Variants in SLC5A6 observed in about 807,000 individuals in gnomAD.
The protein encoded by SLC5A6 is solute carrier family 5 member 6.
SLC5A6 carries 31 observed loss-of-function variants against 67.9 expected under a neutral mutation model. The ratio of observed to expected loss-of-function variants is 0.46; its 90% CI spans 0.34 to 0.62. The LOEUF (loss-of-function observed/expected upper bound fraction) is 0.62, where lower values mean the gene tolerates loss of function less well. Among genes scored for constraint, SLC5A6 ranks in the 20% least tolerant of loss-of-function variants. SLC5A6 has a pLI of 0.01. For synonymous variants in SLC5A6, 343 were observed against 331.0 expected, an observed-to-expected ratio of 1.04 and a Z score of -0.39; for missense variants, 673 against 812.8, an observed-to-expected ratio of 0.83 and a Z score of 2.09.
In SLC5A6 at chr2:27,212,265, G is replaced by A. The variant is rs1402216682; in HGVS notation, c.-453C>T. 1.9e-6 allele frequency: 3 copies of A among 1,557,538 alleles called. No individual in the cohort carries two copies. Among genetic ancestry groups the A allele is most frequent in the Non-Finnish European group, 1.7e-6 (2 of 1,151,040 alleles). ...CCCCCAAGCAGCCCCAGGGCGACTGGACCGGGCCGCTTAGGCCACGCCCGG... is the reference window on the plus strand; with the variant it reads ...CCCCCAAGCAGCCCCAGGGCGACTGAACCGGGCCGCTTAGGCCACGCCCGG... On this transcript the variant is annotated 5_prime_UTR_variant, in exon 1 of 17. Coordinates refer to ENST00000310574, the MANE Select transcript of SLC5A6 (RefSeq NM_021095.4).
upstream of SLC5A6, chr2:27,212,347 C>A: frequency 6.5e-7 from 1 of 1,549,982 alleles, no homozygotes; most frequent in Non-Finnish European, 8.7e-7. Flanking sequence ...GCGCGAGCAG[C>A]GGAGCACCAA....
rs1674182125 is a variant in SLC5A6 at position 27,207,765 on chromosome 2, C to T, written c.-115G>A. ...CAGCCACAGTCTCACAGTCTTCCTCCACGGAGTGATACTGTCCAGGGTGAG... is the reference window on the plus strand; with the variant it reads ...CAGCCACAGTCTCACAGTCTTCCTCTACGGAGTGATACTGTCCAGGGTGAG... On this transcript the variant is annotated 5_prime_UTR_variant, in exon 3 of 17. Coordinates refer to ENST00000310574, the MANE Select transcript of SLC5A6 (RefSeq NM_021095.4). The surrounding 1 kb of genome is among the most constrained non-coding windows in gnomAD (Gnocchi z 5.5). 3.1e-6 allele frequency: 3 copies of T among 973,338 alleles called. No homozygotes were observed. The highest frequency in any genetic ancestry group is 4.6e-6 in the Non-Finnish European group (3 of 651,178). 60.3% of individuals were successfully genotyped at this position (973,338 alleles called of 1,614,324 possible).
chr2:27,212,385 C>G, upstream of SLC5A6: 1 of 1,550,684 alleles, frequency 6.4e-7, no homozygotes, highest in Non-Finnish European at 8.7e-7. Flanking sequence ...CCTCACGACC[C>G]GGGTAGTCTT....
At position 27,201,838 on chromosome 2, in the gene SLC5A6, C is replaced by G. The variant is rs768739418; in HGVS notation, c.1372G>C (p.Val458Leu). 2 of 1,613,918 alleles carry G rather than the reference C, an allele frequency of 1.2e-6. No homozygotes were observed. Among genetic ancestry groups the G allele is most frequent in the African/African-American group, 2.7e-5 (2 of 74,926 alleles). Residue 458 changes from valine to leucine, a missense_variant, in exon 14 of 17, where the codon GTG (valine) becomes CTG (leucine). Transcript: ENST00000310574. Reference protein sequence around the residue: ...FPCANPPGAVVGLLAGLVMAF... With the variant: ...FPCANPPGAVLGLLAGLVMAF... Reference sequence around the variant, plus strand: ...ATGACGAGCCCAGCCAACAGGCCCACAACAGCACCCTGCCGAGACACAGTG... The same window carrying G: ...ATGACGAGCCCAGCCAACAGGCCCAGAACAGCACCCTGCCGAGACACAGTG...
Position 27,204,580 on chromosome 2 carries a change from C to T in SLC5A6, c.886G>A (p.Ala296Thr). 6.2e-7 allele frequency: 1 copy of T among 1,614,022 alleles called. No individual in the cohort carries two copies. Among genetic ancestry groups the T allele is most frequent in the South Asian group, 1.1e-5 (1 of 91,074 alleles). ...TEKAAVLSCYAVFPFQQVSLC... is the reference protein window; with the variant it reads ...TEKAAVLSCYTVFPFQQVSLC... ...GACACCTGCTGGAAGGGGAACACTGCATAACAGGAGCTGCAAAAGAGGTCA... is the reference window on the plus strand; with the variant it reads ...GACACCTGCTGGAAGGGGAACACTGTATAACAGGAGCTGCAAAAGAGGTCA... Residue 296 changes from alanine to threonine, a missense_variant, in exon 9 of 17, where the codon GCA (alanine) becomes ACA (threonine). By Grantham distance (58) the Ala-to-Thr change is moderately conservative (BLOSUM62 0). Coordinates refer to ENST00000310574, the MANE Select transcript of SLC5A6 (RefSeq NM_021095.4).
chr2:27,206,801 T>TC, intron 4 of SLC5A6, 76 bp downstream of exon 4: 1 of 1,173,398 alleles, frequency 8.5e-7, no homozygotes, highest in East Asian at 2.3e-5. Context: ...CAGGGGAGAC[T>TC]CCAATTCCCT....
At chr2:27,201,495 AG>A (rs139846984) in intron 14 of SLC5A6, 42 bp from the exon 15 acceptor site, 17,059 of 1,454,326 alleles carry the variant, frequency 0.012, 130 homozygotes, top group Non-Finnish European at 0.014. Flanking sequence ...ATTCGTTGGC[AG>A]GGCATTCCTT....
At chr2:27,205,071 G>A in intron 7 of SLC5A6, 140 bp from the exon 8 acceptor site, 1 of 981,760 alleles carries the variant, frequency 1.0e-6, no homozygotes, top group Non-Finnish European at 1.5e-6. Flanking sequence ...AAGAAGCTGG[G>A]TGCACTCGAG....
At chr2:27,201,608 G>A in intron 14 of SLC5A6, 58 bp downstream of exon 14, 3 of 1,550,652 alleles carry the variant, frequency 1.9e-6, no homozygotes, top group Non-Finnish European at 2.7e-6. Context: ...CAAGACCCCT[G>A]TGAAAGCCCT....
chr2:27,204,137 A>C (rs1168371885), intron 9 of SLC5A6, among the ~76,000 whole-genome samples: 1 of 152,010 alleles, frequency 6.6e-6, no homozygotes, highest in African/African-American at 2.4e-5. Context: ...TACCTCATTG[A>C]GTCTGTTTTC....
intron 2 of SLC5A6, among the ~76,000 whole-genome samples, chr2:27,210,896 C>A (rs999671302): frequency 2.0e-5 from 3 of 152,058 alleles, no homozygotes; most frequent in African/African-American, 7.2e-5. Context: ...TGGTGGCAGG[C>A]GCCTGTAGTC....
At chr2:27,202,218 A>C (rs1673698706) in intron 12 of SLC5A6, 144 bp from the exon 13 acceptor site, 2 of 708,558 alleles carry the variant, frequency 2.8e-6, no homozygotes, top group African/African-American at 3.5e-5. Flanking sequence ...AGAACTCCAG[A>C]GGTGGCCGAG....
Position 27,201,397 on chromosome 2 carries a change from T to G in SLC5A6, c.1601A>C (p.Asn534Thr). Residue 534 changes from asparagine to threonine, a missense_variant, in exon 15 of 17, where the codon AAC becomes ACC. Coordinates refer to ENST00000310574, the MANE Select transcript of SLC5A6 (RefSeq NM_021095.4). ...GCCCACCACAATCACTGTGGTGGAG[T>G]TGTGAGCACTGTACCATAAGTAAGA... ...SLSYLWYSAHNSTTVIVVGLI... is the reference protein window; with the variant it reads ...SLSYLWYSAHTSTTVIVVGLI... The G allele has an allele frequency of 6.2e-7, 1 of 1,613,232 alleles. No individual in the cohort carries two copies. Among genetic ancestry groups the G allele is most frequent in the Non-Finnish European group, 8.5e-7 (1 of 1,179,540 alleles).
At chr2:27,205,844 T>A (rs539434604) in intron 6 of SLC5A6, among the ~76,000 whole-genome samples, 182 bp downstream of exon 6, 29 of 152,260 alleles carry the variant, frequency 1.9e-4, no homozygotes, top group East Asian at 1.7e-3. Flanking sequence ...ATCATTCCCA[T>A]CCCATCCTCT....
chr2:27,209,505 G>C (rs558415561), intron 2 of SLC5A6, among the ~76,000 whole-genome samples: 2 of 152,288 alleles, frequency 1.3e-5, no homozygotes, highest in Middle Eastern at 6.8e-3. Flanking sequence ...ACTTGCTCAA[G>C]GTTATGCAGC....
At position 27,206,499 on chromosome 2, in the gene SLC5A6, T is replaced by C. The variant is rs143122507; in HGVS notation, c.495A>G (p.Ser165=). The stretch of plus-strand genomic sequence containing the variant: ...ACTCCTCACCTGCATTGAGAGCCAA[T>C]GACGGAGCATAGAGCACAACTCCCA... ...IYMGVVLYAP[S]LALNAVTGFD... The change falls in exon 5 of 17, where the codon TCA becomes TCG. Residue 165 remains serine, a synonymous_variant. Transcript: ENST00000310574. The C allele has an allele frequency of 8.9e-3, 14,290 of 1,614,134 alleles. 1,663 individuals are homozygous for C. In the Admixed American group the frequency reaches 0.22, roughly 24 times the overall value.
upstream of SLC5A6, chr2:27,212,463 C>G (rs1291006435): frequency 1.3e-6 from 2 of 1,563,510 alleles, no homozygotes; most frequent in Non-Finnish European, 1.7e-6. Flanking sequence ...CTGGCGCTAC[C>G]CGAGGTACAG....
chr2:27,201,610 G>T, intron 14 of SLC5A6, 56 bp downstream of exon 14: 1 of 1,549,168 alleles, frequency 6.5e-7, no homozygotes, highest in Non-Finnish European at 8.9e-7. Context: ...AGACCCCTGT[G>T]AAAGCCCTCA....
In SLC5A6 at chr2:27,204,836, T is replaced by G; in HGVS notation, c.830A>C (p.Gln277Pro). ...GCGGGAACTGAGGTACCGCTGCACC[T>G]GAGCCTGGTTCACCCCGTATAAGGA... ...MLSLYGVNQA[Q>P]VQRYLSSRTE... The change falls in exon 8 of 17, where the codon CAG becomes CCG. Residue 277 changes from glutamine (Q) to proline (P), a missense_variant. Transcript: ENST00000310574. The G allele has an allele frequency of 6.2e-7, 1 of 1,614,150 alleles. No individual in the cohort carries two copies. The highest frequency in any genetic ancestry group is 8.5e-7 in the Non-Finnish European group (1 of 1,180,008).
Sources: gnomAD v4.1 joint callset for allele counts (sites outside exome capture counted in the v4.1 genomes callset) on GRCh38, gnomAD v4.1.1 for gene constraint, Gnocchi (gnomAD v3.1) non-coding constraint, MANE v1.5 for transcripts, NCBI Gene and HGNC (gene_info 2026-07-23, HGNC 2026-07-21) for gene names.